Variants in TMC5 observed in about 807,000 individuals in gnomAD.
TMC5 encodes transmembrane channel-like protein 5.
In TMC5, 86 loss-of-function variants were observed where a neutral mutation model predicts 110.5. That is an observed-to-expected ratio of 0.78 (90% confidence interval 0.65 to 0.93). The LOEUF (loss-of-function observed/expected upper bound fraction) is 0.93. Among genes scored for constraint, TMC5 ranks in the 40% least tolerant of loss-of-function variants. TMC5 has a pLI of 0.00. For synonymous variants in TMC5, 455 were observed against 439.5 expected, an observed-to-expected ratio of 1.04 and a Z score of -0.44; for missense variants, 1,144 against 1,222.8, an observed-to-expected ratio of 0.94 and a Z score of 0.96.
intron 19 of TMC5, among the ~76,000 whole-genome samples, chr16:19,493,748 A>AT (rs1968978732): frequency 6.6e-6 from 1 of 152,240 alleles, no homozygotes; most frequent in Non-Finnish European, 1.5e-5. Context: ...GGCGTGAGCC[A>AT]CTGCGCCCAG....
chr16:19,448,286 C>A (rs1967661288), intron 4 of TMC5, among the ~76,000 whole-genome samples: 1 of 135,084 alleles, frequency 7.4e-6, no homozygotes, highest in African/African-American at 2.9e-5. Context: ...TCAGTGCAAC[C>A]ATTATTTACA....
chr16:19,473,239 G>A (rs988394138), intron 11 of TMC5, among the ~76,000 whole-genome samples: 1 of 150,412 alleles, frequency 6.6e-6, no homozygotes, highest in South Asian at 2.1e-4. Context: ...CCAGCTACTC[G>A]GGAGGCTAAG....
upstream of TMC5, among the ~76,000 whole-genome samples, chr16:19,415,991 G>A (rs1020639253): frequency 6.6e-6 from 1 of 152,102 alleles, no homozygotes; most frequent in African/African-American, 2.4e-5. Flanking sequence ...GACAAGCCTG[G>A]GCAACGTAGA....
At chr16:19,424,263 A>T (rs775951460) in intron 1 of TMC5, among the ~76,000 whole-genome samples, 1 of 152,250 alleles carries the variant, frequency 6.6e-6, no homozygotes, top group Non-Finnish European at 1.5e-5. Flanking sequence ...CACACAACTC[A>T]GGGAAATCTT....
intron 15 of TMC5, among the ~76,000 whole-genome samples, chr16:19,484,424 A>G (rs949446918): frequency 3.3e-5 from 5 of 152,130 alleles, no homozygotes; most frequent in African/African-American, 1.2e-4. Context: ...TCCAAACCTT[A>G]GTTTTCTAAT....
upstream of TMC5, chr16:19,417,860 A>G (rs1966893235): frequency 1.3e-5 from 2 of 152,164 alleles, no homozygotes; most frequent in South Asian, 4.1e-4. Context: ...GCGGCATAAA[A>G]CGGCAATGAG....
intron 15 of TMC5, among the ~76,000 whole-genome samples, chr16:19,482,761 C>A (rs746771475): frequency 1.3e-5 from 2 of 152,148 alleles, no homozygotes; most frequent in African/African-American, 4.8e-5. Context: ...AGAAACTCTG[C>A]GTGCATTGAG....
At chr16:19,455,284 C>CA (rs1967839811) in intron 5 of TMC5, among the ~76,000 whole-genome samples, 1 of 151,434 alleles carries the variant, frequency 6.6e-6, no homozygotes, top group East Asian at 2.0e-4. Flanking sequence ...CTCGTCTCTA[C>CA]AAAAAATACA....
At chr16:19,439,936 T>C in intron 2 of TMC5, 24 bp from the exon 3 acceptor site, 1 of 1,055,934 alleles carries the variant, frequency 9.5e-7, no homozygotes, top group Non-Finnish European at 1.4e-6. Context: ...AAATCTGACT[T>C]TTTCTTTTCT....
chr16:19,492,477 C>T (rs533633354), intron 19 of TMC5, among the ~76,000 whole-genome samples: 8 of 151,998 alleles, frequency 5.3e-5, no homozygotes, highest in Non-Finnish European at 1.0e-4. Flanking sequence ...TAGAGTTTTG[C>T]TCTTGTTGCC....
intron 2 of TMC5, among the ~76,000 whole-genome samples, chr16:19,430,983 T>C (rs2010127): frequency 0.85 from 129,018 of 151,594 alleles, 55,093 homozygotes; most frequent in South Asian, 0.92. Context: ...CTCAGCCTCC[T>C]GAGTACCTGA....
At chr16:19,470,897 G>C (rs574795136) in intron 10 of TMC5, among the ~76,000 whole-genome samples, 2 of 151,804 alleles carry the variant, frequency 1.3e-5, no homozygotes, top group Non-Finnish European at 2.9e-5. Context: ...GTAGCCGGGC[G>C]TGGTGGCGGG....
At chr16:19,442,355 G>A (rs1233676819) in intron 3 of TMC5, among the ~76,000 whole-genome samples, 6 of 137,730 alleles carry the variant, frequency 4.4e-5, no homozygotes, top group African/African-American at 1.7e-4. Context: ...TTGAGACAGC[G>A]TCTCACTCTG....
chr16:19,434,119 C>A (rs1448370669), intron 2 of TMC5, among the ~76,000 whole-genome samples: 9 of 90,754 alleles, frequency 9.9e-5, no homozygotes, highest in Admixed American at 1.5e-4. Context: ...ATATATATAT[C>A]TATATATCTA....
intron 8 of TMC5, among the ~76,000 whole-genome samples, chr16:19,465,713 A>C (rs1270133946): frequency 6.6e-6 from 1 of 152,098 alleles, no homozygotes; most frequent in Non-Finnish European, 1.5e-5. Flanking sequence ...TGTGCACTGA[A>C]ATGTAGGCCT....
chr16:19,450,357 G>C (rs899569901), intron 5 of TMC5, among the ~76,000 whole-genome samples: 3 of 152,166 alleles, frequency 2.0e-5, no homozygotes, highest in African/African-American at 7.2e-5. Flanking sequence ...GCACGTAGTA[G>C]GTATTTTAGG....
rs144808189 is a variant in TMC5 at position 19,477,696 on chromosome 16, A to T, written c.2169+178A>T. ...AAAATGGGTCTCAACAAAAAAGCTC[A>T]GGTTCTAGAGTCAGGAGGACCTGAT... On this transcript the variant is annotated intron_variant, in intron 13 of 21. Transcript: ENST00000542583. 5.2e-3 allele frequency among the ~76,000 whole-genome samples: 785 copies of T among 152,328 alleles called. 8 individuals carry two copies. Among genetic ancestry groups the T allele is most frequent in the African/African-American group, 0.017 (712 of 41,580 alleles).
chr16:19,458,624 T>C (rs1967945112), intron 5 of TMC5, among the ~76,000 whole-genome samples: 1 of 152,222 alleles, frequency 6.6e-6, no homozygotes, highest in African/African-American at 2.4e-5. Context: ...AAGCATTTAG[T>C]AGGTTTAGCC....
intron 1 of TMC5, among the ~76,000 whole-genome samples, chr16:19,421,409 G>T (rs1265022116): frequency 6.6e-6 from 1 of 151,994 alleles, no homozygotes; most frequent in African/African-American, 2.4e-5. Flanking sequence ...GAGATCTGAC[G>T]GTTTTATAAA....
Sources: gnomAD v4.1 joint callset for allele counts (sites outside exome capture counted in the v4.1 genomes callset) on GRCh38, gnomAD v4.1.1 for gene constraint, MANE v1.5 for transcripts, NCBI Gene and HGNC (gene_info 2026-07-23, HGNC 2026-07-21) for gene names.